The following SEMA3D variants were observed in gnomAD, a reference collection of about 807,000 sequenced individuals.
The protein encoded by SEMA3D is semaphorin 3D.
A neutral mutation model predicts 100.1 loss-of-function variants in SEMA3D; 84 were observed. That is an observed-to-expected ratio of 0.84 (90% CI 0.70 to 1.01). The LOEUF (loss-of-function observed/expected upper bound fraction) is 1.01. SEMA3D is among the 50% of genes least tolerant of loss of function. The probability of loss-of-function intolerance (pLI) is 0.00; values close to 1 mark genes in which losing one functional copy is unlikely to be tolerated. For synonymous variants in SEMA3D, 312 were observed against 320.7 expected (o/e 0.97, Z 0.29); for missense variants, 875 against 934.1 (o/e 0.94, Z 0.82).
chr7:85,168,763 T>A (rs1038516111), intron 1 of SEMA3D, among the ~76,000 whole-genome samples: 1 of 148,348 alleles, frequency 6.7e-6, no homozygotes, highest in Admixed American at 6.9e-5. Context: ...TCTGTATATA[T>A]ATAAATATAT....
chr7:85,203,297 T>G, the SEMA3D span, among the ~76,000 whole-genome samples: 1 of 152,318 alleles, frequency 6.6e-6, no homozygotes, highest in East Asian at 1.9e-4. Flanking sequence ...ACATGTTATA[T>G]GCTTAGCTGC....
intron 16 of SEMA3D, among the ~76,000 whole-genome samples, chr7:85,013,881 C>A (rs758613272): frequency 3.3e-5 from 5 of 151,672 alleles, no homozygotes; most frequent in Non-Finnish European, 5.9e-5. Context: ...ATTCATCAAA[C>A]TGAAGGTTTA....
chr7:85,142,530 G>C, intron 2 of SEMA3D: 1 of 983,800 alleles, frequency 1.0e-6, no homozygotes, highest in Non-Finnish European at 1.2e-6. Context: ...TGGTAATATG[G>C]TATTTTCCCC....
rs77873023 is a variant in SEMA3D, at chr7:85,080,012, G to C, written c.375+1505C>G. On this transcript the variant is annotated intron_variant, in intron 5 of 18. Coordinates refer to ENST00000284136, the MANE Select transcript of SEMA3D (RefSeq NM_001384900.1). Reference sequence around the variant, plus strand: ...AATAGTTTAATTCCTTTCATTTCTAGTGACCGAAATGTAAAAACTGTTTCC... The same window carrying C: ...AATAGTTTAATTCCTTTCATTTCTACTGACCGAAATGTAAAAACTGTTTCC... 7.6e-3 allele frequency among the ~76,000 whole-genome samples: 1,157 copies of C among 152,286 alleles called. 15 individuals are homozygous for C. Among genetic ancestry groups the C allele is most frequent in the African/African-American group, 0.026 (1,089 of 41,566 alleles).
intron 11 of SEMA3D, 63 bp from the exon 12 acceptor site, chr7:85,037,096 C>T (rs1262141981): frequency 6.6e-7 from 1 of 1,520,652 alleles, no homozygotes; most frequent in Non-Finnish European, 9.0e-7. Flanking sequence ...ATTGACTGAG[C>T]ACATACTATC....
the SEMA3D span, among the ~76,000 whole-genome samples, chr7:85,239,495 T>G: frequency 6.6e-6 from 1 of 152,152 alleles, no homozygotes; most frequent in African/African-American, 2.4e-5. Flanking sequence ...TGTTTGTAAA[T>G]TATCCAATCT....
Position 84,999,246 on chromosome 7 carries a change from T to C in SEMA3D, c.*194A>G. 1.7e-6 allele frequency: 1 copy of C among 572,786 alleles called. No homozygotes were observed. The allele number at this position is 572,786 out of a possible 1,614,324, so 35.5% of individuals were successfully genotyped here. On this transcript the variant is annotated 3_prime_UTR_variant, in exon 19 of 19. Transcript: ENST00000284136. ...TCTTATACTTTGCTTGTGCAAGATT[T>C]GTTCTTGGAAAACTGGTTCAAATGA...
At chr7:85,101,754 G>C (rs926950011) in intron 3 of SEMA3D, among the ~76,000 whole-genome samples, 1 of 151,924 alleles carries the variant, frequency 6.6e-6, no homozygotes, top group African/African-American at 2.4e-5. Context: ...GATGATTCAA[G>C]GAGGTAATTT....
intron 2 of SEMA3D, among the ~76,000 whole-genome samples, chr7:85,128,878 T>C (rs894023243): frequency 8.1e-6 from 1 of 123,636 alleles, no homozygotes; most frequent in Non-Finnish European, 1.6e-5. Flanking sequence ...TATATATATT[T>C]TTTTCCTTTT....
At chr7:85,206,189 C>T in the SEMA3D span, among the ~76,000 whole-genome samples, 1 of 152,260 alleles carries the variant, frequency 6.6e-6, no homozygotes, top group Admixed American at 6.6e-5. Context: ...TTCTCCTCAT[C>T]AGGTTTAAAT....
In SEMA3D at chr7:85,065,518, G is replaced by C; in HGVS notation, c.624C>G (p.Phe208Leu). 1 of 1,613,066 alleles carries C rather than the reference G, an allele frequency of 6.2e-7. No homozygotes were observed. The highest frequency in any genetic ancestry group is 1.1e-5 in the South Asian group (1 of 91,060). Residue 208 changes from phenylalanine to leucine, a missense_variant, in exon 8 of 19, where the codon TTC becomes TTG. By Grantham distance (22) the Phe-to-Leu change is conservative (BLOSUM62 0). Transcript: ENST00000284136. Reference sequence around the variant, plus strand: ...GAGTGAATGCAGTATCTTTGCCAAGGAAATCAGAAGCTGTTCCAGAGTAGA... The same window carrying C: ...GAGTGAATGCAGTATCTTTGCCAAGCAAATCAGAAGCTGTTCCAGAGTAGA... ...EYLYSGTASD[F>L]LGKDTAFTRS...
At chr7:85,070,968 C>T (rs760134995) in intron 6 of SEMA3D, among the ~76,000 whole-genome samples, 53 of 152,200 alleles carry the variant, frequency 3.5e-4, no homozygotes, top group Non-Finnish European at 5.6e-4. Context: ...TTAGAAAAGA[C>T]GGGGTTTCAC....
rs1302899142 is a variant in SEMA3D at position 85,080,319 on chromosome 7, C to T, written c.375+1198G>A. 2.6e-5 allele frequency among the ~76,000 whole-genome samples: 4 copies of T among 152,092 alleles called. No homozygotes were observed. The East Asian group carries it at 7.7e-4, about 29-fold the overall frequency. Reference sequence around the variant, plus strand: ...AAATATTTTTTGAATAAATGAATAACAAATGAGTGAACTAACCTGTTGTCT... The same window carrying T: ...AAATATTTTTTGAATAAATGAATAATAAATGAGTGAACTAACCTGTTGTCT... On this transcript the variant is annotated intron_variant, in intron 5 of 18. Coordinates refer to ENST00000284136, the MANE Select transcript of SEMA3D (RefSeq NM_001384900.1).
chr7:85,211,371 T>C, the SEMA3D span, among the ~76,000 whole-genome samples: 2 of 152,164 alleles, frequency 1.3e-5, no homozygotes, highest in East Asian at 3.9e-4. Context: ...TGATATGTAT[T>C]TTAGAGAGGA....
chr7:85,017,314 A>G (rs749192358), intron 15 of SEMA3D, among the ~76,000 whole-genome samples: 1 of 151,664 alleles, frequency 6.6e-6, no homozygotes, highest in Non-Finnish European at 1.5e-5. Flanking sequence ...ATTACTGTGC[A>G]GTGTAAGTGT....
the SEMA3D span, among the ~76,000 whole-genome samples, chr7:85,225,151 T>C: frequency 7.3e-6 from 1 of 137,562 alleles, no homozygotes; most frequent in African/African-American, 2.7e-5. Context: ...ATAAAATACA[T>C]ATATATAATA....
the SEMA3D span, among the ~76,000 whole-genome samples, chr7:85,205,143 T>G: frequency 6.6e-6 from 1 of 152,136 alleles, no homozygotes; most frequent in South Asian, 2.1e-4. Context: ...CTATTTGCTT[T>G]CTCATTATTG....
chr7:85,009,672 C>A (rs1789898178), intron 17 of SEMA3D, among the ~76,000 whole-genome samples: 1 of 151,456 alleles, frequency 6.6e-6, no homozygotes, highest in Non-Finnish European at 1.5e-5. Context: ...TCACATAGAC[C>A]CTTTCACAAA....
chr7:85,119,919 C>T (rs1462045751), intron 3 of SEMA3D, among the ~76,000 whole-genome samples: 5 of 151,800 alleles, frequency 3.3e-5, no homozygotes, highest in South Asian at 2.1e-4. Context: ...ACAAATTCCC[C>T]GTTTGCCCCA....
Sources: gnomAD v4.1 joint callset for allele counts (sites outside exome capture counted in the v4.1 genomes callset) on GRCh38, gnomAD v4.1.1 for gene constraint, MANE v1.5 for transcripts, NCBI Gene and HGNC (gene_info 2026-07-23, HGNC 2026-07-21) for gene names.